The following ISY1 variants were observed in gnomAD, a reference collection of about 807,000 sequenced individuals.
ISY1 encodes the protein ISY1 spliceosome associated protein, also known as pre-mRNA-splicing factor ISY1 homolog.
Under a neutral mutation model 54.4 loss-of-function variants are expected in ISY1, and 12 were observed. The ratio of observed to expected loss-of-function variants is 0.22; its 90% CI spans 0.14 to 0.36. The LOEUF (loss-of-function observed/expected upper bound fraction) is 0.36, where lower values mean the gene tolerates loss of function less well. Among genes scored for constraint, ISY1 ranks in the 10% least tolerant of loss-of-function variants. The pLI, the probability that ISY1 is intolerant of heterozygous loss-of-function variation, is 1.00. For synonymous variants in ISY1, 96 were observed against 117.9 expected, an observed-to-expected ratio of 0.81 and a Z score of 1.20; for missense variants, 282 against 342.2, an observed-to-expected ratio of 0.82 and a Z score of 1.39.
chr3:129,135,392 G>C (rs1369669343), intron 7 of ISY1, among the ~76,000 whole-genome samples: 1 of 151,864 alleles, frequency 6.6e-6, no homozygotes, highest in African/African-American at 2.4e-5. Flanking sequence ...ACTATTCATG[G>C]AATTATTTAA....
intron 5 of ISY1, among the ~76,000 whole-genome samples, chr3:129,153,618 C>T (rs943958905): frequency 6.6e-6 from 1 of 151,240 alleles, no homozygotes; most frequent in African/African-American, 2.4e-5. Flanking sequence ...CCCGTCTCTA[C>T]TAAAAATACA....
chr3:129,135,765 CA>C lies in ISY1; in HGVS notation c.419-812del, dbSNP rs751769006. Among the ~76,000 whole-genome samples the C allele has an allele frequency of 1.6e-3, 179 of 109,712 alleles. No individual in the cohort carries two copies. The Middle Eastern group carries it at 0.02, about 12-fold the overall frequency. 72.0% of individuals were successfully genotyped at this position (109,712 alleles called of 152,430 possible). A position where few individuals can be genotyped will look rare whatever the true frequency, so the allele number is the denominator to read the frequency against. On this transcript the variant is annotated intron_variant, in intron 7 of 10. Coordinates refer to ENST00000393295, the MANE Select transcript of ISY1 (RefSeq NM_020701.4). ...TGGGCGACAGAGCGAGACTCCATCTCAAAAAAAAAAAAACAAAAACCAAACA... is the reference window on the plus strand; with the variant it reads ...TGGGCGACAGAGCGAGACTCCATCTCAAAAAAAAAAAACAAAAACCAAACA...
chr3:129,130,740 AC>A lies in ISY1; in HGVS notation c.664-105del, dbSNP rs991654581. The A allele has an allele frequency of 3.2e-6, 4 of 1,268,678 alleles. No homozygotes were observed. In the African/African-American group the frequency reaches 4.6e-5, roughly 15 times the overall value. The allele number at this position is 1,268,678 out of a possible 1,614,324, so 78.6% of individuals were successfully genotyped here. On this transcript the variant is annotated intron_variant, in intron 9 of 10. Coordinates refer to ENST00000393295, the MANE Select transcript of ISY1 (RefSeq NM_020701.4). ...CTGCAACTATTTAAAAGAAAAAAAA[AC>A]TAAGAAAGTTCTATACTTATAGAAA...
rs922351054 is a variant in ISY1, at chr3:129,161,043, A to G, written c.-68T>C. ...CCAAGAAACTCCACAGGCCCAGAAG[A>G]CGCCGACGCTCACAGGAACTGAAGA... On this transcript the variant is annotated 5_prime_UTR_variant, in exon 1 of 11. Coordinates refer to ENST00000393295, the MANE Select transcript of ISY1 (RefSeq NM_020701.4). The G allele has an allele frequency of 6.5e-6, 10 of 1,539,848 alleles. No homozygotes were observed. In the African/African-American group the frequency reaches 1.4e-4, roughly 21 times the overall value.
chr3:129,130,061 A>G lies in ISY1; in HGVS notation c.*20T>C. On this transcript the variant is annotated 3_prime_UTR_variant, in exon 11 of 11. Coordinates refer to ENST00000393295, the MANE Select transcript of ISY1 (RefSeq NM_020701.4). ...ACCACTGGGGGATGGAAGAACTCCA[A>G]GGAGAGCCCCAGCTGGGTCCTAATA... The G allele has an allele frequency of 1.3e-6, 2 of 1,552,886 alleles. No homozygotes were observed. Among genetic ancestry groups the G allele is most frequent in the Non-Finnish European group, 1.7e-6 (2 of 1,154,508 alleles).
chr3:129,144,163 C>G (rs1242348462), intron 6 of ISY1: 2 of 441,840 alleles, frequency 4.5e-6, no homozygotes, highest in Non-Finnish European at 9.2e-6. Context: ...AGAGATCAGG[C>G]AAGGGCTCAC....
intron 3 of ISY1, among the ~76,000 whole-genome samples, chr3:129,157,713 T>C (rs752829266): frequency 4.3e-5 from 4 of 92,188 alleles, no homozygotes; most frequent in Non-Finnish European, 7.9e-5. Context: ...AGAGCGTCCA[T>C]CTCAAAAAAA....
chr3:129,138,705 C>A (rs896342404), intron 7 of ISY1, among the ~76,000 whole-genome samples: 19 of 150,940 alleles, frequency 1.3e-4, no homozygotes, highest in Non-Finnish European at 2.4e-4. Context: ...GTCCCAGCTA[C>A]TTGGGAGGCT....
intron 9 of ISY1, 29 bp from the exon 10 acceptor site, chr3:129,130,665 A>G: frequency 1.2e-6 from 2 of 1,613,268 alleles, no homozygotes; most frequent in Admixed American, 3.3e-5. Context: ...AAAGTCCATC[A>G]GTAGGCGCCC....
chr3:129,141,647 A>G (rs1936620451), intron 6 of ISY1, among the ~76,000 whole-genome samples: 1 of 151,356 alleles, frequency 6.6e-6, no homozygotes. Context: ...CCAGCTACTC[A>G]GGAGGCTAAG....
At chr3:129,156,801 G>C in intron 4 of ISY1, 54 bp downstream of exon 4, 1 of 1,591,016 alleles carries the variant, frequency 6.3e-7, no homozygotes, top group Non-Finnish European at 8.5e-7. Flanking sequence ...TAGATAATAA[G>C]AAGAAATGAG....
At chr3:129,155,638 A>AT (rs1490730935) in intron 5 of ISY1, among the ~76,000 whole-genome samples, 1 of 151,476 alleles carries the variant, frequency 6.6e-6, no homozygotes, top group African/African-American at 2.4e-5. Flanking sequence ...TTATTTACAA[A>AT]TATGTTGTTT....
chr3:129,138,814 C>G (rs527725775), intron 7 of ISY1, among the ~76,000 whole-genome samples: 3 of 111,030 alleles, frequency 2.7e-5, no homozygotes, highest in Non-Finnish European at 3.7e-5. Flanking sequence ...GACTCCATCT[C>G]AAAAAAAAAA....
In ISY1 at chr3:129,130,077, G is replaced by C; in HGVS notation, c.*4C>G. The C allele has an allele frequency of 6.3e-7, 1 of 1,583,884 alleles. No individual in the cohort carries two copies. The highest frequency in any genetic ancestry group is 8.6e-7 in the Non-Finnish European group (1 of 1,168,554). On this transcript the variant is annotated 3_prime_UTR_variant, in exon 11 of 11. Coordinates refer to ENST00000393295, the MANE Select transcript of ISY1 (RefSeq NM_020701.4). ...AGAACTCCAAGGAGAGCCCCAGCTG[G>C]GTCCTAATACCCCAGGAGCCTTCTG...
chr3:129,160,918 G>GGC, intron 1 of ISY1, 55 bp downstream of exon 1: 1 of 666,118 alleles, frequency 1.5e-6, no homozygotes, highest in Non-Finnish European at 2.7e-6. Flanking sequence ...TGGACTGGGC[G>GGC]CCCCCCCGCC....
chr3:129,147,290 T>G (rs566469012), intron 5 of ISY1, among the ~76,000 whole-genome samples: 1 of 151,484 alleles, frequency 6.6e-6, no homozygotes, highest in East Asian at 1.9e-4. Flanking sequence ...GGTAGCAGAA[T>G]AGCTTGAGCC....
At chr3:129,145,620 C>T in intron 6 of ISY1, 141 bp downstream of exon 6, 2 of 717,818 alleles carry the variant, frequency 2.8e-6, no homozygotes, top group South Asian at 1.9e-5. Flanking sequence ...GATGCATGTG[C>T]TGTGAGGTCT....
intron 10 of ISY1, 49 bp from the exon 11 acceptor site, chr3:129,130,237 C>A (rs370284708): frequency 1.3e-6 from 2 of 1,540,348 alleles, no homozygotes; most frequent in Non-Finnish European, 8.7e-7. Flanking sequence ...AGCCCCTCAA[C>A]CCCTGCCAGA....
At chr3:129,138,329 T>C (rs1281278325) in intron 7 of ISY1, among the ~76,000 whole-genome samples, 1 of 150,468 alleles carries the variant, frequency 6.6e-6, no homozygotes. Flanking sequence ...AGTGAAACCC[T>C]GTCTCTACTA....
Sources: allele counts gnomAD v4.1 joint callset (sites outside exome capture counted in the v4.1 genomes callset), GRCh38; gene constraint gnomAD v4.1.1; transcripts MANE v1.5; gene names NCBI Gene and HGNC (gene_info 2026-07-23, HGNC 2026-07-21).